The following NRIP3 variants were observed in gnomAD, a reference collection of about 807,000 sequenced individuals.
NRIP3 encodes the protein nuclear receptor-interacting protein 3.
Under a neutral mutation model 29.0 loss-of-function variants are expected in NRIP3, and 31 were observed. That is an observed-to-expected ratio of 1.07 (90% confidence interval 0.80 to 1.44). The LOEUF is 1.44. NRIP3 is among the 40% of genes most tolerant of loss of function. The pLI is 0.00. For synonymous variants in NRIP3, 131 were observed against 118.3 expected (o/e 1.11, Z -0.70); for missense variants, 314 against 297.9 (o/e 1.05, Z -0.40).
At chr11:8,993,454 G>C (rs966284745) in intron 1 of NRIP3, among the ~76,000 whole-genome samples, 1 of 152,180 alleles carries the variant, frequency 6.6e-6, no homozygotes, top group African/African-American at 2.4e-5. Context: ...CAGAATGTTA[G>C]TATAATAGAA....
intron 4 of NRIP3, 21 bp from the exon 5 acceptor site, chr11:8,984,145 AT>A (rs1854469791): frequency 6.4e-7 from 1 of 1,572,104 alleles, no homozygotes; most frequent in Non-Finnish European, 8.8e-7. Flanking sequence ...CAAAAAAATG[AT>A]TAAGATTTAG....
chr11:9,004,123 C>T (rs1259198283), upstream of NRIP3: 12 of 419,698 alleles, frequency 2.9e-5, no homozygotes, highest in Middle Eastern at 6.3e-4. Context: ...CCTCGCGTCC[C>T]GCGTCCCGCG....
chr11:9,004,169 C>CGA (rs1854872441), upstream of NRIP3: 1 of 364,944 alleles, frequency 2.7e-6, no homozygotes, highest in African/African-American at 2.1e-5. Flanking sequence ...GCAAAGCCGG[C>CGA]GAGGAGGCGG....
Position 8,998,355 on chromosome 11 carries a change from C to A in NRIP3, c.174+5407G>T, listed in dbSNP as rs556876400. 2.6e-5 allele frequency among the ~76,000 whole-genome samples: 4 copies of A among 152,296 alleles called. No individual in the cohort carries two copies. The East Asian group carries it at 7.7e-4, about 29-fold the overall frequency. On this transcript the variant is annotated intron_variant, in intron 1 of 6. Coordinates refer to ENST00000309166, the MANE Select transcript of NRIP3 (RefSeq NM_020645.3). ...ATGACCCAACAAACAACCTATTCCT[C>A]ATTATTATCTGTTTTGTGGATTAGT... is the stretch of plus-strand genomic sequence containing the variant.
intron 6 of NRIP3, 49 bp from the exon 7 acceptor site, chr11:8,983,609 AGTT>A: frequency 1.3e-6 from 2 of 1,590,700 alleles, no homozygotes; most frequent in South Asian, 2.2e-5. Context: ...ATTCAAAAAA[AGTT>A]AAGCTGAAGG....
At chr11:8,995,938 T>C (rs1854695477) in intron 1 of NRIP3, among the ~76,000 whole-genome samples, 1 of 152,222 alleles carries the variant, frequency 6.6e-6, no homozygotes, top group Admixed American at 6.5e-5. Flanking sequence ...CTGCCTGAAA[T>C]GTTCTTCCCC....
intron 1 of NRIP3, among the ~76,000 whole-genome samples, chr11:9,000,423 C>G (rs2134930915): frequency 1.3e-5 from 2 of 152,272 alleles, no homozygotes; most frequent in Middle Eastern, 6.8e-3. Flanking sequence ...AGATTCTGTT[C>G]AGGTATTTTA....
chr11:8,985,750 G>T lies in NRIP3; in HGVS notation c.523C>A (p.Leu175Met). 1 of 1,614,194 alleles carries T rather than the reference G, an allele frequency of 6.2e-7. No homozygotes were observed. Among genetic ancestry groups the T allele is most frequent in the Non-Finnish European group, 8.5e-7 (1 of 1,180,030 alleles). The change falls in exon 4 of 7, where the codon CTG becomes ATG. Residue 175 changes from leucine to methionine, a missense_variant. By Grantham distance (15) the Leu-to-Met change is conservative. Transcript: ENST00000309166. Reference sequence around the variant, plus strand: ...GGGCAGTCCAGGCGGAGGGAGCCCAGTGTGATCACTAGGTGCTCAATCTGG... The same window carrying T: ...GGGCAGTCCAGGCGGAGGGAGCCCATTGTGATCACTAGGTGCTCAATCTGG... ...VGQIEHLVITLGSLRLDCPAA... is the reference protein window; with the variant it reads ...VGQIEHLVITMGSLRLDCPAA...
At position 8,984,060 on chromosome 11, in the gene NRIP3, A is replaced by C. The variant is rs1163876576; in HGVS notation, c.615+12T>G. 3 of 1,608,854 alleles carry C rather than the reference A, an allele frequency of 1.9e-6. No homozygotes were observed. The Admixed American group carries it at 5.0e-5, about 27-fold the overall frequency. On this transcript the variant is annotated intron_variant, in intron 5 of 6. Transcript: ENST00000309166. ...AGAGGAAGTATCAAGGGGTAAGTGG[A>C]GTCAATCTTACCTTCAGAGATCGGA...
intron 1 of NRIP3, among the ~76,000 whole-genome samples, chr11:8,991,484 T>C (rs1297061930): frequency 6.6e-6 from 1 of 152,156 alleles, no homozygotes; most frequent in Non-Finnish European, 1.5e-5. Flanking sequence ...TAAGTAACAA[T>C]ATAGCTGCAT....
Position 8,985,560 on chromosome 11 carries a change from G to A in NRIP3, c.562+151C>T, listed in dbSNP as rs1589958699. On this transcript the variant is annotated intron_variant, in intron 4 of 6. Coordinates refer to ENST00000309166, the MANE Select transcript of NRIP3 (RefSeq NM_020645.3). ...CAGGGCCCATCTATTACTTTGGAGA[G>A]CAAAAATTGGGACAAGGTCTACAGT... The A allele has an allele frequency of 1.2e-5, 10 of 860,568 alleles. No homozygotes were observed. The East Asian group carries it at 2.2e-4, about 19-fold the overall frequency. 53.3% of individuals were successfully genotyped at this position (860,568 alleles called of 1,614,324 possible). A position where few individuals can be genotyped will look rare whatever the true frequency, so the allele number is the denominator to read the frequency against.
At chr11:8,997,485 T>TTTATGCTAAAC (rs1487797822) in intron 1 of NRIP3, among the ~76,000 whole-genome samples, 1 of 152,214 alleles carries the variant, frequency 6.6e-6, no homozygotes, top group Non-Finnish European at 1.5e-5. Flanking sequence ...TGGATTCTGC[T>TTTATGCTAAAC]TTATGCTAAA....
chr11:8,999,042 A>T (rs529320782), intron 1 of NRIP3, among the ~76,000 whole-genome samples: 1 of 152,052 alleles, frequency 6.6e-6, no homozygotes, highest in Non-Finnish European at 1.5e-5. Context: ...TAACCTCGTG[A>T]CCTGCCCGCC....
intron 1 of NRIP3, among the ~76,000 whole-genome samples, chr11:9,001,201 C>T (rs945257599): frequency 6.6e-6 from 1 of 152,156 alleles, no homozygotes; most frequent in Non-Finnish European, 1.5e-5. Context: ...CCACAGAAGA[C>T]TTTGTATCAG....
At chr11:8,993,097 G>A (rs1854637395) in intron 1 of NRIP3, among the ~76,000 whole-genome samples, 1 of 152,038 alleles carries the variant, frequency 6.6e-6, no homozygotes, top group Admixed American at 6.6e-5. Context: ...ATCCAATAGA[G>A]AGGCAAAGGC....
At chr11:8,989,098 C>G (rs1274781054) in intron 1 of NRIP3, among the ~76,000 whole-genome samples, 1 of 152,140 alleles carries the variant, frequency 6.6e-6, no homozygotes, top group African/African-American at 2.4e-5. Flanking sequence ...TATATGCATG[C>G]CAGGATGCCT....
intron 1 of NRIP3, among the ~76,000 whole-genome samples, chr11:9,002,812 T>G (rs1405448546): frequency 6.6e-6 from 1 of 152,140 alleles, no homozygotes; most frequent in Non-Finnish European, 1.5e-5. Context: ...CCCAAATGAA[T>G]AAAGCGATTG....
intron 1 of NRIP3, among the ~76,000 whole-genome samples, chr11:8,991,014 T>C (rs2134916854): frequency 6.6e-6 from 1 of 151,974 alleles, no homozygotes; most frequent in Non-Finnish European, 1.5e-5. Flanking sequence ...TATAAAAGCA[T>C]TTTCTGTCCA....
intron 1 of NRIP3, among the ~76,000 whole-genome samples, chr11:9,001,787 C>T (rs551169160): frequency 1.4e-5 from 2 of 144,676 alleles, no homozygotes; most frequent in East Asian, 3.9e-4. Flanking sequence ...CTCGGTCTGC[C>T]TTGGTTTCTG....
Sources: allele counts gnomAD v4.1 joint callset (sites outside exome capture counted in the v4.1 genomes callset), GRCh38; gene constraint gnomAD v4.1.1; transcripts MANE v1.5; gene names NCBI Gene and HGNC (gene_info 2026-07-23, HGNC 2026-07-21).